Variants in CDH12 observed in about 807,000 individuals in gnomAD.
The protein encoded by CDH12 is cadherin 12, also known as cadherin-12.
Under a neutral mutation model 74.1 loss-of-function variants are expected in CDH12, and 41 were observed. That is an observed-to-expected ratio of 0.55 (90% CI 0.43 to 0.72). CDH12 has a LOEUF of 0.72. CDH12 is among the 30% of genes least tolerant of loss of function. CDH12 has a pLI of 0.00. For missense variants in CDH12, 945 were observed against 977.2 expected (o/e 0.97, Z 0.44); for synonymous variants, 399 against 355.0 (o/e 1.12, Z -1.39).
At chr5:22,081,332 C>T (rs775521491) in intron 4 of CDH12, among the ~76,000 whole-genome samples, 15 of 152,064 alleles carry the variant, frequency 9.9e-5, no homozygotes, top group Non-Finnish European at 1.6e-4. Flanking sequence ...AACGTGTAAG[C>T]ATGGTAATGT....
chr5:22,518,271 T>C (rs1276439179), intron 1 of CDH12, among the ~76,000 whole-genome samples: 1 of 152,246 alleles, frequency 6.6e-6, no homozygotes, highest in African/African-American at 2.4e-5. Context: ...CTGTCAAATG[T>C]CTCATTCCTG....
chr5:22,360,859 G>A (rs12697603), intron 3 of CDH12, among the ~76,000 whole-genome samples: 43,577 of 151,946 alleles, frequency 0.29, 6,276 homozygotes, highest in East Asian at 0.34. Context: ...ATGCAGAAAA[G>A]GCCTTTGACA....
intron 5 of CDH12, among the ~76,000 whole-genome samples, chr5:22,073,149 C>T (rs1312451306): frequency 6.6e-6 from 1 of 152,044 alleles, no homozygotes; most frequent in Admixed American, 6.6e-5. Context: ...TTCCTATAGG[C>T]TTAATACTGT....
chr5:22,662,695 G>A (rs1042664477), intron 1 of CDH12, among the ~76,000 whole-genome samples: 1 of 152,180 alleles, frequency 6.6e-6, no homozygotes, highest in African/African-American at 2.4e-5. Context: ...TTTTTTTGAT[G>A]AAATTTGTTG....
chr5:22,281,906 C>G (rs1322687724), intron 3 of CDH12, among the ~76,000 whole-genome samples: 2 of 152,070 alleles, frequency 1.3e-5, no homozygotes, highest in Admixed American at 6.6e-5. Context: ...AAAACGAGCC[C>G]GCATAGCAAA....
At chr5:22,281,432 A>G (rs748066121) in intron 3 of CDH12, among the ~76,000 whole-genome samples, 7 of 152,158 alleles carry the variant, frequency 4.6e-5, no homozygotes, top group Non-Finnish European at 1.0e-4. Context: ...AGGAAGTCAA[A>G]TTGTCTCTAT....
At chr5:22,074,516 G>A (rs181881506) in intron 5 of CDH12, among the ~76,000 whole-genome samples, 3 of 152,228 alleles carry the variant, frequency 2.0e-5, no homozygotes, top group Admixed American at 2.0e-4. Flanking sequence ...TACCATCAGA[G>A]TGAACAGACA....
chr5:22,283,227 T>TATATATATATATATAG (rs1363244588), intron 3 of CDH12, among the ~76,000 whole-genome samples: 39 of 41,812 alleles, frequency 9.3e-4, no homozygotes, highest in African/African-American at 4.3e-3. Context: ...GATATATATA[T>TATATATATATATATAG]ATATATATAT....
At chr5:22,205,717 C>T (rs890963991) in intron 4 of CDH12, among the ~76,000 whole-genome samples, 1 of 151,986 alleles carries the variant, frequency 6.6e-6, no homozygotes, top group Non-Finnish European at 1.5e-5. Flanking sequence ...ATAAAGAGAA[C>T]TGAGATGTTA....
chr5:21,883,024 T>C, intron 6 of CDH12: 1 of 1,609,644 alleles, frequency 6.2e-7, no homozygotes, highest in Non-Finnish European at 8.5e-7. Context: ...AGAGGTGTGA[T>C]GTTAGCTGTT....
chr5:22,739,868 T>G (rs1250972104), intron 1 of CDH12, among the ~76,000 whole-genome samples: 1 of 152,104 alleles, frequency 6.6e-6, no homozygotes, highest in East Asian at 1.9e-4. Context: ...TTTGTGACCT[T>G]AAGTAATTTC....
intron 8 of CDH12, among the ~76,000 whole-genome samples, chr5:21,818,019 T>C (rs776340391): frequency 2.2e-4 from 33 of 152,030 alleles, no homozygotes; most frequent in Non-Finnish European, 3.1e-4. Context: ...AAGAAAGATA[T>C]AGTGCATGCT....
chr5:22,046,475 C>G (rs1361143557), intron 5 of CDH12, among the ~76,000 whole-genome samples: 1 of 143,904 alleles, frequency 6.9e-6, no homozygotes, highest in Admixed American at 6.9e-5. Flanking sequence ...CGCTGTCGCC[C>G]AGGCTGGAGT....
chr5:22,321,752 A>G (rs1738893648), intron 3 of CDH12, among the ~76,000 whole-genome samples: 1 of 152,126 alleles, frequency 6.6e-6, no homozygotes, highest in Non-Finnish European at 1.5e-5. Context: ...ATTTTTATGT[A>G]CTTATTTTGT....
At chr5:22,201,451 T>C (rs1303444049) in intron 4 of CDH12, among the ~76,000 whole-genome samples, 7 of 152,204 alleles carry the variant, frequency 4.6e-5, no homozygotes, top group African/African-American at 1.7e-4. Context: ...TTCTCACTTA[T>C]AAGTAGGCAC....
intron 5 of CDH12, among the ~76,000 whole-genome samples, chr5:22,022,449 C>CAA (rs1738052716): frequency 6.6e-6 from 1 of 152,026 alleles, no homozygotes; most frequent in African/African-American, 2.4e-5. Context: ...GCCATGCCTT[C>CAA]GTATAGCTTG....
intron 8 of CDH12, among the ~76,000 whole-genome samples, chr5:21,828,407 C>A (rs933484053): frequency 3.9e-5 from 6 of 152,168 alleles, no homozygotes; most frequent in African/African-American, 1.4e-4. Context: ...CAGGCGTGAG[C>A]CACTGAGCCT....
At chr5:22,641,241 G>C (rs1739133980) in intron 1 of CDH12, among the ~76,000 whole-genome samples, 1 of 152,126 alleles carries the variant, frequency 6.6e-6, no homozygotes, top group African/African-American at 2.4e-5. Flanking sequence ...GAAGCTGATG[G>C]TGTGCCTTTC....
At chr5:22,349,513 T>C (rs1379893576) in intron 3 of CDH12, among the ~76,000 whole-genome samples, 2 of 152,188 alleles carry the variant, frequency 1.3e-5, no homozygotes, top group African/African-American at 2.4e-5. Flanking sequence ...TACTTACTCA[T>C]AATTTTAATC....
Sources: allele counts gnomAD v4.1 joint callset (sites outside exome capture counted in the v4.1 genomes callset), GRCh38; gene constraint gnomAD v4.1.1; transcripts MANE v1.5; gene names NCBI Gene and HGNC (gene_info 2026-07-23, HGNC 2026-07-21).